ZCCHC4: variants seen among roughly 807,000 people sequenced by gnomAD.
The protein encoded by ZCCHC4 is zinc finger CCHC-type containing 4.
ZCCHC4 carries 54 observed loss-of-function variants against 67.7 expected under a neutral mutation model. That is an observed-to-expected ratio of 0.80 (90% CI 0.64 to 1.00). The LOEUF is 1.00. Among genes scored for constraint, ZCCHC4 ranks in the 50% least tolerant of loss-of-function variants. The pLI, the probability that ZCCHC4 is intolerant of heterozygous loss-of-function variation, is 0.00. For synonymous variants in ZCCHC4, 198 were observed against 213.5 expected (o/e 0.93, Z 0.63); for missense variants, 609 against 617.0 (o/e 0.99, Z 0.14).
intron 3 of ZCCHC4, among the ~76,000 whole-genome samples, chr4:25,324,014 G>GGTTTTGTTTTTTT (rs777768505): frequency 1.2e-5 from 1 of 82,448 alleles, no homozygotes; most frequent in African/African-American, 5.2e-5. Flanking sequence ...TGTTTTTTGT[G>GGTTTTGTTTTTTT]TTTTTTTTTT....
chr4:25,324,166 G>A (rs1718737461), intron 3 of ZCCHC4, among the ~76,000 whole-genome samples: 1 of 122,698 alleles, frequency 8.2e-6, no homozygotes, highest in Non-Finnish European at 1.7e-5. Context: ...TGCACACCAT[G>A]CCTGGCTAAT....
intron 3 of ZCCHC4, among the ~76,000 whole-genome samples, chr4:25,323,833 CCA>C (rs1718709496): frequency 6.6e-6 from 1 of 152,042 alleles, no homozygotes; most frequent in Non-Finnish European, 1.5e-5. Context: ...GAAATCATCA[CCA>C]CAGTCAAGTT....
At chr4:25,322,818 T>C (rs1423099655) in intron 3 of ZCCHC4, among the ~76,000 whole-genome samples, 1 of 152,174 alleles carries the variant, frequency 6.6e-6, no homozygotes, top group African/African-American at 2.4e-5. Flanking sequence ...GCACCTGGCC[T>C]GAATTGTCCA....
chr4:25,341,549 C>T (rs1719758326), intron 5 of ZCCHC4, among the ~76,000 whole-genome samples: 2 of 152,192 alleles, frequency 1.3e-5, no homozygotes, highest in Non-Finnish European at 2.9e-5. Context: ...ACCAGAAGCC[C>T]AGCAGATGCT....
intron 8 of ZCCHC4, chr4:25,361,625 C>T: frequency 2.1e-6 from 1 of 465,714 alleles, no homozygotes. Flanking sequence ...TCGCTCATGC[C>T]CAGAGAGAAA....
At chr4:25,346,657 A>G (rs1363597321) in intron 6 of ZCCHC4, among the ~76,000 whole-genome samples, 2 of 152,178 alleles carry the variant, frequency 1.3e-5, no homozygotes, top group Non-Finnish European at 2.9e-5. Flanking sequence ...ATTTGAATCA[A>G]TTTAGCATTG....
At position 25,333,267 on chromosome 4, in the gene ZCCHC4, G is replaced by A. The variant is rs372122821; in HGVS notation, c.414G>A (p.Gly138=). Residue 138 remains glycine, a synonymous_variant, in exon 4 of 13, where the codon GGG becomes GGA. Coordinates refer to ENST00000302874, the MANE Select transcript of ZCCHC4 (RefSeq NM_024936.3). ...AGTTGTTGTTACCAGATGACTGGGG[G>A]CAACATAGTGAGCATCAGGTTCTGG... The part of the protein sequence containing the change: ...CQQLLLPDDW[G]QHSEHQVLGN... The A allele has an allele frequency of 5.0e-6, 8 of 1,614,100 alleles. No homozygotes were observed. The African/African-American group carries it at 9.3e-5, about 19-fold the overall frequency.
At chr4:25,345,203 T>C (rs891196974) in intron 5 of ZCCHC4, among the ~76,000 whole-genome samples, 1 of 152,216 alleles carries the variant, frequency 6.6e-6, no homozygotes, top group Non-Finnish European at 1.5e-5. Context: ...TTATTAACCA[T>C]GAGGGATGTA....
At chr4:25,322,285 C>T (rs1935962798) in intron 3 of ZCCHC4, among the ~76,000 whole-genome samples, 1 of 152,062 alleles carries the variant, frequency 6.6e-6, no homozygotes, top group Non-Finnish European at 1.5e-5. Flanking sequence ...ATTTCCAGAA[C>T]ATTTTCATCA....
intron 8 of ZCCHC4, among the ~76,000 whole-genome samples, chr4:25,358,837 T>TA (rs1308271096): frequency 1.3e-5 from 2 of 152,234 alleles, no homozygotes; most frequent in Admixed American, 6.5e-5. Context: ...ACGCTGTACA[T>TA]ATGGCCTGTG....
At chr4:25,315,506 A>G (rs1718211540) in intron 3 of ZCCHC4, 106 bp downstream of exon 3, 2 of 785,484 alleles carry the variant, frequency 2.5e-6, no homozygotes, top group Non-Finnish European at 3.8e-6. Flanking sequence ...TTTTTATTGT[A>G]GTTACATATA....
chr4:25,356,884 CATATT>C (rs1242523564), intron 8 of ZCCHC4, among the ~76,000 whole-genome samples: 1 of 152,070 alleles, frequency 6.6e-6, no homozygotes, highest in East Asian at 1.9e-4. Flanking sequence ...TAATAGATAA[CATATT>C]CATAGAATTT....
At position 25,369,048 on chromosome 4, in the gene ZCCHC4, C is replaced by G. The variant is rs79643299; in HGVS notation, c.1426C>G (p.Gln476Glu). 6 of 1,610,762 alleles carry G rather than the reference C, an allele frequency of 3.7e-6. 1 individual carries two copies. In the Admixed American group the frequency reaches 8.4e-5, roughly 23 times the overall value. The change falls in exon 13 of 13, where the codon CAA becomes GAA. Residue 476 changes from glutamine (Q) to glutamate (E), a missense_variant. Gln to Glu is a conservative substitution (Grantham distance 29, BLOSUM62 2). Coordinates refer to ENST00000302874, the MANE Select transcript of ZCCHC4 (RefSeq NM_024936.3). ...TTCCAGAGCTGTCAGAAAGCAGAAG[C>G]AAAGAAAAAGTAATAAGATGAAAAT... ...RANKAVRKQK[Q>E]RKSNKMKMET...
chr4:25,352,811 G>A (rs912634886), intron 8 of ZCCHC4, among the ~76,000 whole-genome samples: 28 of 152,194 alleles, frequency 1.8e-4, no homozygotes, highest in Non-Finnish European at 4.4e-5. Context: ...GTCTTCACTA[G>A]CTGTTGCAAG....
intron 2 of ZCCHC4, among the ~76,000 whole-genome samples, chr4:25,314,843 A>G (rs1718168044): frequency 6.6e-6 from 1 of 152,186 alleles, no homozygotes; most frequent in Non-Finnish European, 1.5e-5. Flanking sequence ...AAGTGTTAAA[A>G]AACACTTTTT....
intron 12 of ZCCHC4, 103 bp from the exon 13 acceptor site, chr4:25,368,926 T>G (rs1455083945): frequency 5.2e-6 from 7 of 1,339,380 alleles, no homozygotes. Context: ...ATTCTTTCCC[T>G]TCTTCTATTT....
intron 8 of ZCCHC4, among the ~76,000 whole-genome samples, chr4:25,355,824 G>T (rs770907676): frequency 9.9e-5 from 15 of 152,204 alleles, no homozygotes; most frequent in Non-Finnish European, 1.8e-4. Flanking sequence ...TCAAATGAGA[G>T]CTTATGGGAT....
At chr4:25,320,007 A>G in intron 3 of ZCCHC4, among the ~76,000 whole-genome samples, 1 of 152,168 alleles carries the variant, frequency 6.6e-6, no homozygotes, top group East Asian at 1.9e-4. Context: ...TATGGTAGCT[A>G]GCAAGATAAA....
chr4:25,322,902 A>G (rs940546560), intron 3 of ZCCHC4, among the ~76,000 whole-genome samples: 6 of 152,202 alleles, frequency 3.9e-5, no homozygotes, highest in African/African-American at 1.4e-4. Context: ...AGTAGAATCA[A>G]GTTGTTCTAT....
Sources: allele counts gnomAD v4.1 joint callset (sites outside exome capture counted in the v4.1 genomes callset), GRCh38; gene constraint gnomAD v4.1.1; transcripts MANE v1.5; gene names NCBI Gene and HGNC (gene_info 2026-07-23, HGNC 2026-07-21).